The following CELF2 variants were observed in gnomAD, a reference collection of about 807,000 sequenced individuals.
CELF2 encodes the protein CUG triplet repeat RNA-binding protein 2.
In CELF2, 8 loss-of-function variants were observed where a neutral mutation model predicts 62.6. That is an observed-to-expected ratio of 0.13 (90% confidence interval 0.07 to 0.23). The LOEUF is 0.23. Among genes scored for constraint, CELF2 ranks in the 10% least tolerant of loss-of-function variants. The pLI, the probability that CELF2 is intolerant of heterozygous loss-of-function variation, is 1.00. For missense variants in CELF2, 333 were observed against 671.0 expected, an observed-to-expected ratio of 0.50 and a Z score of 5.56; for synonymous variants, 258 against 250.0, an observed-to-expected ratio of 1.03 and a Z score of -0.30.
chr10:10,524,341 T>G, the CELF2 span, among the ~76,000 whole-genome samples: 3 of 151,468 alleles, frequency 2.0e-5, no homozygotes, highest in African/African-American at 7.3e-5. Flanking sequence ...TCTCTTCCTA[T>G]TTGTGTAGAT....
the CELF2 span, among the ~76,000 whole-genome samples, chr10:10,588,652 G>A: frequency 6.6e-6 from 1 of 152,160 alleles, no homozygotes; most frequent in East Asian, 1.9e-4. Flanking sequence ...AATGTACTCT[G>A]ATATTTCAAA....
chr10:11,103,882 T>C (rs1042134617), intron 1 of CELF2, among the ~76,000 whole-genome samples: 2 of 152,338 alleles, frequency 1.3e-5, no homozygotes, highest in African/African-American at 4.8e-5. Context: ...ATGGGAAGGC[T>C]AAAATTATTG....
intron 3 of CELF2, among the ~76,000 whole-genome samples, chr10:11,222,416 C>A (rs1309603311): frequency 6.6e-6 from 1 of 152,206 alleles, no homozygotes; most frequent in African/African-American, 2.4e-5. Flanking sequence ...CAAAGCCTAA[C>A]TGGGCCAAGT....
rs143235632 is a variant in CELF2, at chr10:10,921,730, A to T, written c.89+1731A>T. Among the ~76,000 whole-genome samples, 520 of 152,232 alleles carry T rather than the reference A, an allele frequency of 3.4e-3. 1 individual carries two copies. Among genetic ancestry groups the T allele is most frequent in the Middle Eastern group, 0.014 (4 of 294 alleles). ...GAGGAGAGCCCAGGCTTCTATTTGA[A>T]CAAGGATGGACGCAGGAAAGGGGTG... On this transcript the variant is annotated intron_variant, in intron 2 of 13. Coordinates refer to the CELF2 transcript ENST00000636488.
At chr10:10,759,637 A>G in the CELF2 span, among the ~76,000 whole-genome samples, 1 of 151,974 alleles carries the variant, frequency 6.6e-6, no homozygotes, top group Non-Finnish European at 1.5e-5. Flanking sequence ...TCAGCCAACC[A>G]TGGCTCACCT....
intron 2 of CELF2, among the ~76,000 whole-genome samples, chr10:10,920,521 AAG>A (rs2064794265): frequency 6.6e-6 from 1 of 152,200 alleles, no homozygotes; most frequent in Non-Finnish European, 1.5e-5. Context: ...ATATCATAGA[AAG>A]AAATTAATAT....
chr10:10,478,056 A>T, the CELF2 span, among the ~76,000 whole-genome samples: 4 of 152,218 alleles, frequency 2.6e-5, no homozygotes, highest in African/African-American at 9.6e-5. Flanking sequence ...AAACGTGGCC[A>T]GACACCGGAT....
Position 11,314,313 on chromosome 10 carries a change from T to C in CELF2, c.1096+55T>C, listed in dbSNP as rs1183347205. On this transcript the variant is annotated intron_variant, in intron 10 of 12. Transcript: ENST00000633077. The surrounding 1 kb of genome is among the most constrained non-coding windows in gnomAD (Gnocchi z 5.3). ...TGGTGGACAGCCTTCCCCCAAATTC[T>C]CCACAGAAAGTGGTCAGCCAGAAAT... is the stretch of plus-strand genomic sequence containing the variant. 2 of 1,613,320 alleles carry C rather than the reference T, an allele frequency of 1.2e-6. No individual in the cohort carries two copies. The highest frequency in any genetic ancestry group is 2.7e-5 in the African/African-American group (2 of 74,906).
intron 1 of CELF2, among the ~76,000 whole-genome samples, chr10:10,811,724 A>C (rs1172527171): frequency 2.6e-5 from 4 of 152,152 alleles, no homozygotes; most frequent in Non-Finnish European, 5.9e-5. Context: ...TGAGGCAGAC[A>C]CTTTAAGGGG....
chr10:11,033,338 A>G (rs2060438696), intron 1 of CELF2, among the ~76,000 whole-genome samples: 1 of 151,250 alleles, frequency 6.6e-6, no homozygotes, highest in Non-Finnish European at 1.5e-5. Context: ...GCGCACCGCA[A>G]CTTCCACCCC....
At chr10:10,813,159 C>T (rs931430651) in intron 1 of CELF2, among the ~76,000 whole-genome samples, 3 of 152,118 alleles carry the variant, frequency 2.0e-5, no homozygotes, top group South Asian at 2.1e-4. Context: ...AGCTGATGGA[C>T]GAAACTACAG....
chr10:11,251,754 G>T (rs937433625), intron 4 of CELF2, among the ~76,000 whole-genome samples: 2 of 152,180 alleles, frequency 1.3e-5, no homozygotes, highest in African/African-American at 4.8e-5. Flanking sequence ...GTTATTTGAG[G>T]TTTACATAAG....
At chr10:10,470,214 A>G in the CELF2 span, among the ~76,000 whole-genome samples, 4 of 151,894 alleles carry the variant, frequency 2.6e-5, no homozygotes, top group Non-Finnish European at 4.4e-5. Context: ...CCTGATTATT[A>G]CAGGATCTCT....
chr10:11,274,417 T>C lies in CELF2; in HGVS notation c.778-640T>C, dbSNP rs369888666. On this transcript the variant is annotated intron_variant, in intron 7 of 12. Transcript: ENST00000633077. ...GCAGACTTTCTCATAGGTATATTAATGTTTTTGAAGATTGACATTTACAAC... is the reference window on the plus strand; with the variant it reads ...GCAGACTTTCTCATAGGTATATTAACGTTTTTGAAGATTGACATTTACAAC... Among the ~76,000 whole-genome samples the C allele has an allele frequency of 5.9e-3, 895 of 152,336 alleles. 8 individuals are homozygous for C. The highest frequency in any genetic ancestry group is 0.021 in the African/African-American group (864 of 41,572).
chr10:11,250,047 C>T (rs371092545), intron 4 of CELF2, among the ~76,000 whole-genome samples: 13 of 152,350 alleles, frequency 8.5e-5, no homozygotes, highest in Middle Eastern at 3.4e-3. Flanking sequence ...TAGAGATCTA[C>T]GTATCTGCAA....
At position 11,247,625 on chromosome 10, in the gene CELF2, A is replaced by G. The variant is rs1347551578; in HGVS notation, c.355-1528A>G. ...CCATGCCCGCCATCCCACCCCTGCCACACTGAGCACCTGAAGGGAGGACCT... is the reference window on the plus strand; with the variant it reads ...CCATGCCCGCCATCCCACCCCTGCCGCACTGAGCACCTGAAGGGAGGACCT... On this transcript the variant is annotated intron_variant, in intron 3 of 12. Coordinates refer to ENST00000633077, the MANE Select transcript of CELF2 (RefSeq NM_001326342.2). This position sits in a 1 kb window ranked among gnomAD's most constrained non-coding sequence, Gnocchi z 5.4. Among the ~76,000 whole-genome samples the G allele has an allele frequency of 5.0e-5, 6 of 120,188 alleles. No individual in the cohort carries two copies. Among genetic ancestry groups the G allele is most frequent in the Admixed American group, 9.8e-5 (1 of 10,208 alleles). The allele number at this position is 120,188 out of a possible 152,430, so 78.8% of individuals were successfully genotyped here. A position where few individuals can be genotyped will look rare whatever the true frequency, so the allele number is the denominator to read the frequency against.
the CELF2 span, among the ~76,000 whole-genome samples, chr10:10,522,178 C>T: frequency 6.6e-6 from 1 of 152,232 alleles, no homozygotes; most frequent in African/African-American, 2.4e-5. Context: ...CCCTTCTCCA[C>T]ATGTTGTTTG....
At chr10:10,657,161 C>T in the CELF2 span, among the ~76,000 whole-genome samples, 50 of 152,038 alleles carry the variant, frequency 3.3e-4, no homozygotes, top group South Asian at 9.6e-3. Context: ...ACACAAAAGG[C>T]CAAATAATGC....
At chr10:10,982,947 C>T (rs1244640771) in intron 2 of CELF2, among the ~76,000 whole-genome samples, 3 of 150,860 alleles carry the variant, frequency 2.0e-5, no homozygotes, top group Admixed American at 2.0e-4. Flanking sequence ...GACTACTGTG[C>T]TTTTGTATGT....
Sources: gnomAD v4.1 joint callset for allele counts (sites outside exome capture counted in the v4.1 genomes callset) on GRCh38, gnomAD v4.1.1 for gene constraint, Gnocchi (gnomAD v3.1) non-coding constraint, MANE v1.5 for transcripts, NCBI Gene and HGNC (gene_info 2026-07-23, HGNC 2026-07-21) for gene names.